BMP5: variants seen among roughly 807,000 people sequenced by gnomAD.
BMP5 encodes bone morphogenetic protein 5.
Under a neutral mutation model 46.6 loss-of-function variants are expected in BMP5, and 23 were observed. That is an observed-to-expected ratio of 0.49 (90% CI 0.35 to 0.70). The LOEUF (loss-of-function observed/expected upper bound fraction) is 0.70, where lower values mean the gene tolerates loss of function less well. BMP5 is among the 30% of genes least tolerant of loss of function. The pLI is 0.00. For synonymous variants in BMP5, 204 were observed against 191.9 expected (o/e 1.06, Z -0.52); for missense variants, 545 against 565.6 (o/e 0.96, Z 0.37).
At chr6:55,766,396 T>C (rs781322073) in intron 4 of BMP5, among the ~76,000 whole-genome samples, 7 of 152,070 alleles carry the variant, frequency 4.6e-5, no homozygotes, top group Non-Finnish European at 1.0e-4. Flanking sequence ...ATCTAACAAT[T>C]TGGCTTATAG....
intron 4 of BMP5, among the ~76,000 whole-genome samples, chr6:55,762,692 C>T (rs1774815901): frequency 1.3e-5 from 2 of 152,074 alleles, no homozygotes; most frequent in Admixed American, 1.3e-4. Context: ...ATAATTGATT[C>T]TACTATTGGT....
chr6:55,853,752 A>G (rs1777312553), intron 1 of BMP5, among the ~76,000 whole-genome samples: 1 of 152,194 alleles, frequency 6.6e-6, no homozygotes, highest in African/African-American at 2.4e-5. Context: ...TAATGTAGAG[A>G]ACTGCTGGTT....
chr6:55,859,918 T>C (rs937473194), intron 1 of BMP5, among the ~76,000 whole-genome samples: 2 of 152,220 alleles, frequency 1.3e-5, no homozygotes, highest in Non-Finnish European at 2.9e-5. Context: ...CATAAGAACC[T>C]ATTGAATTAG....
rs1180874648 is a variant in BMP5, at chr6:55,874,859, G to A, written c.7C>T (p.Leu3=). The change falls in exon 1 of 7, where the codon CTG becomes TTG. Residue 3 remains leucine, a synonymous_variant. Coordinates refer to ENST00000370830, the MANE Select transcript of BMP5 (RefSeq NM_021073.4). ...ATACCCTTAAGTAAAAATACAGTCA[G>A]ATGCATTTTTGTCCAAAAGCAAAAG... is the stretch of plus-strand genomic sequence containing the variant. MH[L]TVFLLKGIVG... is the part of the protein sequence containing the mutation. 6.2e-7 allele frequency: 1 copy of A among 1,612,226 alleles called. No individual in the cohort carries two copies.
Position 55,866,686 on chromosome 6 carries a change from G to A in BMP5, c.490+7690C>T, listed in dbSNP as rs151142384. Among the ~76,000 whole-genome samples, 3 of 152,176 alleles carry A rather than the reference G, an allele frequency of 2.0e-5. No individual in the cohort carries two copies. The East Asian group carries it at 5.8e-4, about 29-fold the overall frequency. ...GCAGTTCATATTGTGATCTGAAAGTGCTGCTTTTTCTTGTTTTAGGGGCTT... is the reference window on the plus strand; with the variant it reads ...GCAGTTCATATTGTGATCTGAAAGTACTGCTTTTTCTTGTTTTAGGGGCTT... On this transcript the variant is annotated intron_variant, in intron 1 of 6. Transcript: ENST00000370830.
At chr6:55,786,129 T>C (rs1433588484) in intron 3 of BMP5, among the ~76,000 whole-genome samples, 2 of 151,734 alleles carry the variant, frequency 1.3e-5, no homozygotes, top group African/African-American at 4.8e-5. Context: ...AGTTTCTCCA[T>C]CACTATTTTT....
chr6:55,783,866 G>T (rs1290279160), intron 3 of BMP5, among the ~76,000 whole-genome samples: 1 of 151,868 alleles, frequency 6.6e-6, no homozygotes, highest in Non-Finnish European at 1.5e-5. Context: ...TACAGATGTA[G>T]CCAAGCACTT....
At chr6:55,777,286 C>A (rs1159195486) in intron 3 of BMP5, among the ~76,000 whole-genome samples, 2 of 151,788 alleles carry the variant, frequency 1.3e-5, no homozygotes, top group African/African-American at 2.4e-5. Context: ...AAAGTAAATT[C>A]TTTATAAAAC....
intron 1 of BMP5, among the ~76,000 whole-genome samples, chr6:55,845,320 A>G (rs899542344): frequency 1.3e-5 from 2 of 152,020 alleles, no homozygotes; most frequent in Non-Finnish European, 2.9e-5. Flanking sequence ...TTACCATACA[A>G]ATTACTTGAC....
chr6:55,795,988 T>C (rs1210429033), intron 2 of BMP5, among the ~76,000 whole-genome samples: 2 of 152,180 alleles, frequency 1.3e-5, no homozygotes. Context: ...CTCTTCCTCC[T>C]AAATTGAAAA....
intron 3 of BMP5, among the ~76,000 whole-genome samples, chr6:55,791,444 G>C (rs1775570445): frequency 6.6e-6 from 1 of 152,108 alleles, no homozygotes; most frequent in South Asian, 2.1e-4. Context: ...GCAACAAAAG[G>C]CTGTATATTT....
intron 1 of BMP5, among the ~76,000 whole-genome samples, chr6:55,838,911 T>C (rs1029407153): frequency 6.6e-6 from 1 of 152,216 alleles, no homozygotes; most frequent in African/African-American, 2.4e-5. Context: ...CAGAGCTCTT[T>C]CTTGAGACAT....
chr6:55,871,253 A>G (rs1240340369), intron 1 of BMP5, among the ~76,000 whole-genome samples: 1 of 151,922 alleles, frequency 6.6e-6, no homozygotes, highest in Non-Finnish European at 1.5e-5. Flanking sequence ...AAACATTTTT[A>G]TTACTAACAA....
In BMP5 at chr6:55,874,605, G is replaced by A. The variant is rs1394705703; in HGVS notation, c.261C>T (p.Ala87=). 1.9e-6 allele frequency: 3 copies of A among 1,613,402 alleles called. No individual in the cohort carries two copies. Among genetic ancestry groups the A allele is most frequent in the East Asian group, 2.2e-5 (1 of 44,862 alleles). ...CTTCAGGATTTTCTTCATTGGTCATGGCATTGTAGAGATCCAGCATAAAGA... is the reference window on the plus strand; with the variant it reads ...CTTCAGGATTTTCTTCATTGGTCATAGCATTGTAGAGATCCAGCATAAAGA... ...APLFMLDLYN[A]MTNEENPEES... The change falls in exon 1 of 7, where the codon GCC becomes GCT. Residue 87 remains alanine (A), a synonymous_variant. Coordinates refer to ENST00000370830, the MANE Select transcript of BMP5 (RefSeq NM_021073.4).
intron 3 of BMP5, 21 bp downstream of exon 3, chr6:55,794,258 T>A (rs757135229): frequency 6.2e-7 from 1 of 1,613,206 alleles, no homozygotes; most frequent in African/African-American, 1.3e-5. Flanking sequence ...CACAAAAAAA[T>A]ATATAAAATT....
intron 1 of BMP5, among the ~76,000 whole-genome samples, chr6:55,841,912 G>GAC (rs1178318110): frequency 7.6e-6 from 1 of 132,106 alleles, no homozygotes; most frequent in East Asian, 2.1e-4. Flanking sequence ...CAGAGAGAGA[G>GAC]AGACAGAGAG....
intron 3 of BMP5, among the ~76,000 whole-genome samples, chr6:55,792,221 C>T (rs1775586952): frequency 6.6e-6 from 1 of 152,196 alleles, no homozygotes; most frequent in Non-Finnish European, 1.5e-5. Flanking sequence ...TCAGTAAGAA[C>T]TTTCTTTTTC....
Position 55,774,091 on chromosome 6 carries a change from A to C in BMP5, c.985T>G (p.Ser329Ala). 6.2e-7 allele frequency: 1 copy of C among 1,612,890 alleles called. No individual in the cohort carries two copies. The highest frequency in any genetic ancestry group is 8.5e-7 in the Non-Finnish European group (1 of 1,179,354). The stretch of plus-strand genomic sequence containing the variant: ...CTGGAGGAGTCCTGATGAGAGCTGG[A>C]TTTATTGCGGTTTTGATTTTTTCGT... Reference protein sequence around the residue: ...NKRKNQNRNKSSSHQDSSRMS... With the variant: ...NKRKNQNRNKASSHQDSSRMS... The change falls in exon 4 of 7, where the codon TCC becomes GCC. Residue 329 changes from serine (S) to alanine (A), a missense_variant. Transcript: ENST00000370830.
intron 3 of BMP5, among the ~76,000 whole-genome samples, chr6:55,775,513 T>C (rs1472609047): frequency 6.6e-6 from 1 of 151,990 alleles, no homozygotes; most frequent in Non-Finnish European, 1.5e-5. Context: ...GTATATCTTA[T>C]GCAAAGTTGC....
Sources: allele counts gnomAD v4.1 joint callset (sites outside exome capture counted in the v4.1 genomes callset), GRCh38; gene constraint gnomAD v4.1.1; transcripts MANE v1.5; gene names NCBI Gene and HGNC (gene_info 2026-07-23, HGNC 2026-07-21).